RUNX3: variants seen among roughly 807,000 people sequenced by gnomAD.
The protein encoded by RUNX3 is RUNX family transcription factor 3, also known as runt-related transcription factor 3.
A neutral mutation model predicts 27.7 loss-of-function variants in RUNX3; 10 were observed. The ratio of observed to expected loss-of-function variants is 0.36; its 90% CI spans 0.22 to 0.61. The LOEUF (loss-of-function observed/expected upper bound fraction) is 0.61, where lower values mean the gene tolerates loss of function less well. Among genes scored for constraint, RUNX3 ranks in the 20% least tolerant of loss-of-function variants. The pLI is 0.72. For synonymous variants in RUNX3, 270 were observed against 269.2 expected (o/e 1.00, Z -0.03); for missense variants, 469 against 629.5 (o/e 0.75, Z 2.73).
chr1:24,949,983 G>A (rs544988018), intron 2 of RUNX3, among the ~76,000 whole-genome samples: 53 of 152,332 alleles, frequency 3.5e-4, no homozygotes, highest in African/African-American at 1.2e-3. Flanking sequence ...GGAGACCCCA[G>A]GAGCCGTTGC....
intron 3 of RUNX3, among the ~76,000 whole-genome samples, chr1:24,913,265 C>T (rs1274442109): frequency 6.6e-6 from 1 of 152,236 alleles, no homozygotes; most frequent in East Asian, 1.9e-4. Flanking sequence ...GCTCCTCCAG[C>T]ATGGCCTGGA....
At chr1:24,930,283 G>T, upstream of RUNX3, 1 of 978,146 alleles carries the variant, frequency 1.0e-6, no homozygotes, top group Non-Finnish European at 1.2e-6. The surrounding 1 kb of genome is among the most constrained non-coding windows in gnomAD (Gnocchi z 4.1). Flanking sequence ...TGGCGGGGCC[G>T]CGGCCGCCCG....
intron 2 of RUNX3, among the ~76,000 whole-genome samples, chr1:24,941,221 C>T (rs1041687900): frequency 1.3e-5 from 2 of 152,160 alleles, no homozygotes; most frequent in Admixed American, 6.5e-5. Flanking sequence ...TGAGCACGCT[C>T]CCCAAGCACT....
intron 3 of RUNX3, 113 bp from the exon 4 acceptor site, chr1:24,907,530 G>T: frequency 9.0e-7 from 1 of 1,115,010 alleles, no homozygotes; most frequent in Non-Finnish European, 1.3e-6. Flanking sequence ...GGCCTCTGCT[G>T]GGAGAACCCT....
At position 24,901,978 on chromosome 1, in the gene RUNX3, C is replaced by A; in HGVS notation, c.*144G>T. ...GTGGCTGCACAGATGCAGCCAGAGGCTCCCACCAGCTGGGACCACCCTGGG... is the reference window on the plus strand; with the variant it reads ...GTGGCTGCACAGATGCAGCCAGAGGATCCCACCAGCTGGGACCACCCTGGG... On this transcript the variant is annotated 3_prime_UTR_variant, in exon 5 of 5. Coordinates refer to ENST00000308873, the MANE Select transcript of RUNX3 (RefSeq NM_004350.3). 1 of 729,008 alleles carries A rather than the reference C, an allele frequency of 1.4e-6. No individual in the cohort carries two copies. The highest frequency in any genetic ancestry group is 2.2e-6 in the Non-Finnish European group (1 of 455,796). 45.2% of individuals were successfully genotyped at this position (729,008 alleles called of 1,614,324 possible). A position where few individuals can be genotyped will look rare whatever the true frequency, so the allele number is the denominator to read the frequency against.
chr1:24,938,355 G>C (rs1410458170), intron 2 of RUNX3, among the ~76,000 whole-genome samples: 1 of 152,148 alleles, frequency 6.6e-6, no homozygotes, highest in African/African-American at 2.4e-5. Context: ...CTAATAGCTG[G>C]GGAAACCGAG....
In RUNX3 at chr1:24,953,632, C is replaced by T. The variant is rs972845194; in HGVS notation, c.58+10882G>A. Among the ~76,000 whole-genome samples the T allele has an allele frequency of 6.6e-5, 10 of 152,262 alleles. No individual in the cohort carries two copies. In the South Asian group the frequency reaches 1.0e-3, roughly 16 times the overall value. On this transcript the variant is annotated intron_variant, in intron 2 of 6. Transcript: ENST00000338888. ...ATTACTATCATCACAGAGAATCCTA[C>T]GGGACGGTGCCGTTCTAGATTCTTC... is the stretch of plus-strand genomic sequence containing the variant.
upstream of RUNX3, among the ~76,000 whole-genome samples, chr1:24,933,418 A>G (rs1641274675): frequency 6.6e-6 from 1 of 152,238 alleles, no homozygotes; most frequent in African/African-American, 2.4e-5. Flanking sequence ...TCATGAAAAA[A>G]TAAGACCTCT....
chr1:24,917,879 C>T (rs1281381307), intron 3 of RUNX3, among the ~76,000 whole-genome samples: 1 of 152,152 alleles, frequency 6.6e-6, no homozygotes, highest in Non-Finnish European at 1.5e-5. Context: ...ATCCAGTTCT[C>T]AGATGACAAA....
Position 24,902,714 on chromosome 1 carries a change from G to C in RUNX3, c.704-48C>G, listed in dbSNP as rs1318156900. ...TCAGTTCCAGCTCGAGACAACCCCA[G>C]GAGGGCTTCCTGAAGAATGACCTTG... On this transcript the variant is annotated intron_variant, in intron 4 of 4. Coordinates refer to ENST00000308873, the MANE Select transcript of RUNX3 (RefSeq NM_004350.3). The surrounding 1 kb of genome is among the most constrained non-coding windows in gnomAD (Gnocchi z 9.2). 6.9e-7 allele frequency: 1 copy of C among 1,454,386 alleles called. No individual in the cohort carries two copies. Among genetic ancestry groups the C allele is most frequent in the Admixed American group, 2.4e-5 (1 of 42,482 alleles). 90.1% of individuals were successfully genotyped at this position (1,454,386 alleles called of 1,614,324 possible).
At chr1:24,915,474 C>T (rs1383510872) in intron 3 of RUNX3, among the ~76,000 whole-genome samples, 1 of 152,134 alleles carries the variant, frequency 6.6e-6, no homozygotes, top group South Asian at 2.1e-4. Context: ...ATGAAACAAA[C>T]TATCGGACTA....
At chr1:24,930,802 A>T (rs1335921985), upstream of RUNX3, among the ~76,000 whole-genome samples, 2 of 152,066 alleles carry the variant, frequency 1.3e-5, no homozygotes, top group Non-Finnish European at 2.9e-5. This position sits in a 1 kb window ranked among gnomAD's most constrained non-coding sequence, Gnocchi z 4.1. Flanking sequence ...CCTCCACCCC[A>T]CACGGGATTT....
Position 24,902,316 on chromosome 1 carries a change from C to G in RUNX3, c.1054G>C (p.Gly352Arg). The G allele has an allele frequency of 6.2e-7, 1 of 1,608,752 alleles. No individual in the cohort carries two copies. The highest frequency in any genetic ancestry group is 8.5e-7 in the Non-Finnish European group (1 of 1,178,838). ...ATGCGGGTAGGTGAGCGGTCGCCCC[C>G]ACTGCTGCTGCCGGCCACCATGGAG... ...QFSMVAGSSSGGDRSPTRMLA... is the reference protein window; with the variant it reads ...QFSMVAGSSSRGDRSPTRMLA... Residue 352 changes from glycine (G) to arginine (R), a missense_variant, in exon 5 of 5, where the codon GGG becomes CGG. Physicochemically the swap from Gly to Arg is moderately radical, Grantham distance 125. Around this residue, in one of 3 missense-constraint regions of RUNX3, gnomAD observed 279 missense variants for 343.0 expected, o/e 0.81. Transcript: ENST00000308873. This position sits in a 1 kb window ranked among gnomAD's most constrained non-coding sequence, Gnocchi z 9.2.
intron 2 of RUNX3, among the ~76,000 whole-genome samples, chr1:24,942,177 G>T (rs544014721): frequency 1.3e-5 from 2 of 152,168 alleles, no homozygotes; most frequent in Non-Finnish European, 2.9e-5. Context: ...TTAGATGAGG[G>T]GGGGAGATGA....
intron 4 of RUNX3, among the ~76,000 whole-genome samples, chr1:24,906,451 C>T (rs1209385036): frequency 6.6e-6 from 1 of 152,256 alleles, no homozygotes; most frequent in African/African-American, 2.4e-5. Context: ...CTTGGCACCC[C>T]ACTTAGCCCA....
chr1:24,941,766 G>A (rs1268780706), intron 2 of RUNX3, among the ~76,000 whole-genome samples: 5 of 152,312 alleles, frequency 3.3e-5, no homozygotes, highest in South Asian at 2.1e-4. Flanking sequence ...AGCCCTGTGT[G>A]ATGACCTGAG....
At position 24,927,487 on chromosome 1, in the gene RUNX3, G is replaced by C; in HGVS notation, c.439+87C>G. On this transcript the variant is annotated intron_variant, in intron 2 of 4. Transcript: ENST00000308873. The surrounding 1 kb of genome is among the most constrained non-coding windows in gnomAD (Gnocchi z 5.0). Reference sequence around the variant, plus strand: ...AGCTGCATCTGGAGACCTGTTTTTCGGGATTCTAAGGCCCCTCTTTCAACC... The same window carrying C: ...AGCTGCATCTGGAGACCTGTTTTTCCGGATTCTAAGGCCCCTCTTTCAACC... 7.5e-7 allele frequency: 1 copy of C among 1,330,234 alleles called. No individual in the cohort carries two copies. The allele number at this position is 1,330,234 out of a possible 1,614,324, so 82.4% of individuals were successfully genotyped here. A position where few individuals can be genotyped will look rare whatever the true frequency, so the allele number is the denominator to read the frequency against.
At chr1:24,929,513 A>AGGCTCTGGCTCCCGC in intron 1 of RUNX3, 74 bp downstream of exon 1, 1 of 1,426,578 alleles carries the variant, frequency 7.0e-7, no homozygotes, top group Non-Finnish European at 9.6e-7. Flanking sequence ...ACTGCTCCCG[A>AGGCTCTGGCTCCCGC]GGCTCTGGCT....
At chr1:24,907,690 C>T (rs1346447151) in intron 3 of RUNX3, among the ~76,000 whole-genome samples, 8 of 152,150 alleles carry the variant, frequency 5.3e-5, no homozygotes, top group Non-Finnish European at 8.8e-5. Context: ...CTACAACACG[C>T]GGTGATCTAA....
Sources: gnomAD v4.1 joint callset for allele counts (sites outside exome capture counted in the v4.1 genomes callset) on GRCh38, gnomAD v4.1.1 for gene constraint, gnomAD v4.1.1 regional missense constraint, Gnocchi (gnomAD v3.1) non-coding constraint, MANE v1.5 for transcripts, NCBI Gene and HGNC (gene_info 2026-07-23, HGNC 2026-07-21) for gene names.